The following ASTN2 variants were observed in gnomAD, a reference collection of about 807,000 sequenced individuals.
ASTN2 encodes astrotactin 2.
Under a neutral mutation model 139.8 loss-of-function variants are expected in ASTN2, and 54 were observed. The ratio of observed to expected loss-of-function variants is 0.39; its 90% CI spans 0.31 to 0.48. ASTN2 has a LOEUF of 0.48. Among genes scored for constraint, ASTN2 ranks in the 20% least tolerant of loss-of-function variants. The probability of loss-of-function intolerance (pLI) is 0.95; values close to 1 mark genes in which losing one functional copy is unlikely to be tolerated. For missense variants in ASTN2, 1,565 were observed against 1,725.1 expected, an observed-to-expected ratio of 0.91 and a Z score of 1.64; for synonymous variants, 756 against 719.5, an observed-to-expected ratio of 1.05 and a Z score of -0.81.
chr9:116,439,126 T>C (rs1847749853), intron 22 of ASTN2, among the ~76,000 whole-genome samples: 1 of 151,968 alleles, frequency 6.6e-6, no homozygotes, highest in Non-Finnish European at 1.5e-5. Context: ...TAGGTTTAAT[T>C]TTCTATTAAG....
At chr9:116,593,561 C>T (rs1455751080) in intron 19 of ASTN2, among the ~76,000 whole-genome samples, 6 of 152,218 alleles carry the variant, frequency 3.9e-5, no homozygotes, top group African/African-American at 7.2e-5. Flanking sequence ...CTCTATACTA[C>T]AACCACCTGT....
intron 16 of ASTN2, among the ~76,000 whole-genome samples, chr9:116,720,482 G>A (rs576590327): frequency 5.9e-5 from 9 of 151,732 alleles, no homozygotes; most frequent in Admixed American, 4.6e-4. Flanking sequence ...TCTTTATCTC[G>A]CCATTTCTCT....
chr9:116,428,390 G>C (rs1219958188), intron 22 of ASTN2, among the ~76,000 whole-genome samples: 1 of 152,192 alleles, frequency 6.6e-6, no homozygotes, highest in East Asian at 1.9e-4. Context: ...TGGGCGTGGT[G>C]GTGGGTACCT....
intron 17 of ASTN2, among the ~76,000 whole-genome samples, chr9:116,638,939 T>C (rs1458003924): frequency 6.6e-6 from 1 of 152,202 alleles, no homozygotes; most frequent in Admixed American, 6.5e-5. Context: ...GTTTAAGAGA[T>C]AAGGATTTTA....
intron 13 of ASTN2, among the ~76,000 whole-genome samples, chr9:116,736,289 TA>T (rs1246752756): frequency 6.6e-6 from 1 of 152,240 alleles, no homozygotes; most frequent in East Asian, 1.9e-4. Flanking sequence ...ATTGTGGTGT[TA>T]TTTCTCAGCT....
intron 20 of ASTN2, among the ~76,000 whole-genome samples, chr9:116,469,182 C>T (rs978747332): frequency 3.3e-5 from 5 of 152,056 alleles, no homozygotes; most frequent in Admixed American, 6.6e-5. Flanking sequence ...AATAAACAAA[C>T]GTTAAATGTT....
At chr9:117,285,350 C>G (rs964335496) in intron 2 of ASTN2, among the ~76,000 whole-genome samples, 1 of 147,134 alleles carries the variant, frequency 6.8e-6, no homozygotes, top group Non-Finnish European at 1.5e-5. Context: ...ATTTAATAGG[C>G]AGGTAAACCA....
In ASTN2 at chr9:116,634,485, A is replaced by G. The variant is rs909698352; in HGVS notation, c.3073-14042T>C. 3.4e-5 allele frequency among the ~76,000 whole-genome samples: 5 copies of G among 149,030 alleles called. 1 individual carries two copies. The highest frequency in any genetic ancestry group is 7.1e-3 in the Middle Eastern group (2 of 280). ...GGCGCCTGTAGTCCCAGCTACTCGG[A>G]AGGCTGAGGCAGGAGAATGGCGTGA... On this transcript the variant is annotated intron_variant, in intron 17 of 22. Coordinates refer to ENST00000313400, the MANE Select transcript of ASTN2 (RefSeq NM_001365068.1).
chr9:117,010,043 G>A (rs1440554119), intron 6 of ASTN2, among the ~76,000 whole-genome samples: 2 of 152,168 alleles, frequency 1.3e-5, no homozygotes, highest in African/African-American at 4.8e-5. Flanking sequence ...TAAAGGCACA[G>A]TGGACAACAT....
intron 4 of ASTN2, among the ~76,000 whole-genome samples, chr9:117,123,780 C>T (rs1829618260): frequency 6.6e-6 from 1 of 152,160 alleles, no homozygotes; most frequent in African/African-American, 2.4e-5. Context: ...ACCCACCTCT[C>T]CTCAGCCCTC....
chr9:116,537,524 C>G (rs570048880), intron 19 of ASTN2, among the ~76,000 whole-genome samples: 1 of 152,110 alleles, frequency 6.6e-6, no homozygotes, highest in African/African-American at 2.4e-5. Context: ...GTGGTAGGAA[C>G]CCTGGGAACT....
chr9:116,964,270 T>C (rs909086329), intron 10 of ASTN2, among the ~76,000 whole-genome samples: 29 of 127,244 alleles, frequency 2.3e-4, no homozygotes, highest in Middle Eastern at 4.0e-3. Flanking sequence ...CGCGCGCGCG[T>C]GTGTGTTGAC....
At chr9:116,620,486 G>T (rs763611244) in intron 17 of ASTN2, 43 bp from the exon 18 acceptor site, 11 of 1,612,024 alleles carry the variant, frequency 6.8e-6, no homozygotes, top group Admixed American at 3.3e-5. Context: ...ATGACAACAG[G>T]GGAGAGATTG....
At chr9:116,972,084 C>A (rs929112155) in intron 10 of ASTN2, among the ~76,000 whole-genome samples, 1 of 152,210 alleles carries the variant, frequency 6.6e-6, no homozygotes, top group African/African-American at 2.4e-5. Context: ...AACAATAAAT[C>A]AAACATTATC....
At chr9:116,557,748 T>A (rs542622967) in intron 19 of ASTN2, 1 of 152,350 alleles carries the variant, frequency 6.6e-6, no homozygotes, top group Admixed American at 6.5e-5. Flanking sequence ...CCTACGTGTA[T>A]ATAAAGAATG....
chr9:116,602,731 C>G (rs1854970812), intron 19 of ASTN2, among the ~76,000 whole-genome samples: 1 of 152,082 alleles, frequency 6.6e-6, no homozygotes, highest in African/African-American at 2.4e-5. Context: ...GAGTTCGAGA[C>G]CAGCCTGGGC....
intron 10 of ASTN2, among the ~76,000 whole-genome samples, chr9:116,907,596 G>A (rs1004810369): frequency 1.3e-5 from 2 of 152,224 alleles, no homozygotes; most frequent in African/African-American, 2.4e-5. Flanking sequence ...CATTTCAGGA[G>A]CAGAGTGTGA....
chr9:117,334,316 C>T (rs375634676), intron 1 of ASTN2, among the ~76,000 whole-genome samples: 22 of 152,090 alleles, frequency 1.4e-4, no homozygotes, highest in African/African-American at 4.3e-4. Context: ...GTGGTAGTGC[C>T]GGGTGGTGGA....
chr9:116,535,220 C>G (rs550946975), intron 19 of ASTN2, among the ~76,000 whole-genome samples: 1 of 152,238 alleles, frequency 6.6e-6, no homozygotes, highest in African/African-American at 2.4e-5. Context: ...CTTGGTAGAT[C>G]TTCCTCCATC....
Sources: allele counts gnomAD v4.1 joint callset (sites outside exome capture counted in the v4.1 genomes callset), GRCh38; gene constraint gnomAD v4.1.1; transcripts MANE v1.5; gene names NCBI Gene and HGNC (gene_info 2026-07-23, HGNC 2026-07-21).